The following FCRL5 variants were observed in gnomAD, a reference collection of about 807,000 sequenced individuals.
The protein encoded by FCRL5 is Fc receptor-like protein 5.
A neutral mutation model predicts 92.1 loss-of-function variants in FCRL5; 79 were observed. The observed-to-expected ratio is 0.86, with a 90% confidence interval of 0.72 to 1.03. The LOEUF is 1.03. Ranked by LOEUF, FCRL5 falls within the 50% of genes least tolerant of loss-of-function variation. The pLI is 0.00. For synonymous variants in FCRL5, 466 were observed against 469.3 expected, an observed-to-expected ratio of 0.99 and a Z score of 0.09; for missense variants, 1,160 against 1,181.1, an observed-to-expected ratio of 0.98 and a Z score of 0.26.
At chr1:157,524,101 C>T in intron 10 of FCRL5, 178 bp downstream of exon 10, 1 of 609,750 alleles carries the variant, frequency 1.6e-6, no homozygotes, top group East Asian at 2.8e-5. Context: ...CATCAGATTC[C>T]TGGAACCATA....
Position 157,521,082 on chromosome 1 carries a change from T to A in FCRL5, c.2450A>T (p.Tyr817Phe). The A allele has an allele frequency of 6.2e-7, 1 of 1,613,866 alleles. No individual in the cohort carries two copies. Among genetic ancestry groups the A allele is most frequent in the Non-Finnish European group, 8.5e-7 (1 of 1,179,962 alleles). ...LSLTAEHSGN[Y>F]SCEADNGLGA... ...GAGGCCATTGTCGGCCTCACAGGAG[T>A]AGTTTCCAGAGTGCTCTGCAGTCAG... The change falls in exon 11 of 17, where the codon TAC becomes TTC. Residue 817 changes from tyrosine to phenylalanine, a missense_variant. Tyr to Phe is a conservative substitution (Grantham distance 22, BLOSUM62 3). Coordinates refer to ENST00000361835, the MANE Select transcript of FCRL5 (RefSeq NM_031281.3).
At chr1:157,532,987 G>A (rs760228039) in intron 8 of FCRL5, 1 of 151,874 alleles carries the variant, frequency 6.6e-6, no homozygotes, top group Non-Finnish European at 1.5e-5. Flanking sequence ...TAAAATTTTC[G>A]GTTATTATTC....
chr1:157,521,590 C>CT (rs1347718083), intron 10 of FCRL5: 4 of 240,388 alleles, frequency 1.7e-5, no homozygotes, highest in African/African-American at 4.5e-5. Flanking sequence ...CAATACTATT[C>CT]TTTTTTCTAT....
Position 157,547,016 on chromosome 1 carries a change from C to T in FCRL5, c.234G>A (p.Gln78=). Residue 78 remains glutamine, a synonymous_variant, in exon 3 of 17, where the codon CAG becomes CAA. Coordinates refer to ENST00000361835, the MANE Select transcript of FCRL5 (RefSeq NM_031281.3). ...RETPDNILEV[Q]ESGEYRCQAQ... ...CCTGGCATCTGTACTCTCCAGATTC[C>T]TGAACCTCAAGGATATTGTCTGGGG... 6.2e-7 allele frequency: 1 copy of T among 1,614,162 alleles called. No homozygotes were observed. Among genetic ancestry groups the T allele is most frequent in the Non-Finnish European group, 8.5e-7 (1 of 1,180,014 alleles).
At chr1:157,541,804 A>G (rs1651275524) in intron 6 of FCRL5, 1 of 152,290 alleles carries the variant, frequency 6.6e-6, no homozygotes, top group African/African-American at 2.4e-5. Context: ...TTTAGATGTC[A>G]GTACAGTCTG....
intron 8 of FCRL5, among the ~76,000 whole-genome samples, chr1:157,531,261 G>C (rs12145779): frequency 0.065 from 9,833 of 152,068 alleles, 804 homozygotes; most frequent in African/African-American, 0.19. Flanking sequence ...CAATTAAAAC[G>C]CCAATGAAGT....
chr1:157,531,088 G>T (rs1255221993), intron 8 of FCRL5, among the ~76,000 whole-genome samples: 1 of 152,116 alleles, frequency 6.6e-6, no homozygotes, highest in Non-Finnish European at 1.5e-5. Flanking sequence ...GTCTGACAAG[G>T]TGTTAACATC....
intron 3 of FCRL5, 91 bp from the exon 4 acceptor site, chr1:157,545,173 T>A (rs1651472266): frequency 7.0e-7 from 1 of 1,427,552 alleles, no homozygotes; most frequent in Non-Finnish European, 9.4e-7. Context: ...TTTAAAAAAA[T>A]GGGTTGGGAA....
Position 157,524,442 on chromosome 1 carries a change from C to A in FCRL5, c.2076G>T (p.Trp692Cys), listed in dbSNP as rs1650337524. The A allele has an allele frequency of 6.2e-7, 1 of 1,614,124 alleles. No individual in the cohort carries two copies. Among genetic ancestry groups the A allele is most frequent in the South Asian group, 1.1e-5 (1 of 91,094 alleles). Residue 692 changes from tryptophan (W) to cysteine (C), a missense_variant, in exon 10 of 17, where the codon TGG becomes TGT. Coordinates refer to ENST00000361835, the MANE Select transcript of FCRL5 (RefSeq NM_031281.3). ...CCAGGGTGACATCTTCATGATAAAA[C>A]CAGTACAGGATTGGGGAGGAGCCTC... ...ALRGSSPILY[W>C]FYHEDVTLGK...
rs1405609389 is a variant in FCRL5 at position 157,547,163 on chromosome 1, A to G, written c.87T>C (p.Pro29=). 1.2e-6 allele frequency: 2 copies of G among 1,613,980 alleles called. No homozygotes were observed. Among genetic ancestry groups the G allele is most frequent in the Non-Finnish European group, 1.7e-6 (2 of 1,180,012 alleles). The change falls in exon 3 of 17, where the codon CCT becomes CCC. Residue 29 remains proline (P), a synonymous_variant. Transcript: ENST00000361835. The part of the protein sequence containing the change: ...RTPRPIIFLQ[P]PWTTVFQGER... Reference sequence around the variant, plus strand: ...CTCCTTGGAAGACTGTGGTCCATGGAGGCTGGAGGAAAATAATGGGCCTGG... The same window carrying G: ...CTCCTTGGAAGACTGTGGTCCATGGGGGCTGGAGGAAAATAATGGGCCTGG...
At chr1:157,524,750 G>A (rs747981609) in intron 9 of FCRL5, among the ~76,000 whole-genome samples, 193 bp from the exon 10 acceptor site, 49 of 152,202 alleles carry the variant, frequency 3.2e-4, no homozygotes, top group Admixed American at 4.6e-4. Context: ...TGGAATAGTG[G>A]AATATACAAA....
intron 7 of FCRL5, among the ~76,000 whole-genome samples, chr1:157,536,823 A>C (rs934875354): frequency 1.3e-5 from 2 of 152,214 alleles, no homozygotes; most frequent in Non-Finnish European, 2.9e-5. Context: ...AGAAGAACAT[A>C]AATTTTGAAG....
rs1650903054 is a variant in FCRL5 at position 157,535,023 on chromosome 1, A to T, written c.1403-131T>A. ...TCACCTACCTGGAGGGCAGCCAAGCAACTTCTCAGGTTTCTGTGACCAGCC... is the reference window on the plus strand; with the variant it reads ...TCACCTACCTGGAGGGCAGCCAAGCTACTTCTCAGGTTTCTGTGACCAGCC... On this transcript the variant is annotated intron_variant, in intron 7 of 16. Coordinates refer to ENST00000361835, the MANE Select transcript of FCRL5 (RefSeq NM_031281.3). The T allele has an allele frequency of 2.5e-5, 19 of 750,890 alleles. 1 individual carries two copies. Among genetic ancestry groups the T allele is most frequent in the Non-Finnish European group, 3.6e-5 (18 of 498,034 alleles). 46.5% of individuals were successfully genotyped at this position (750,890 alleles called of 1,614,324 possible).
intron 1 of FCRL5, among the ~76,000 whole-genome samples, chr1:157,551,298 A>G (rs1651799628): frequency 6.6e-6 from 1 of 152,134 alleles, no homozygotes; most frequent in Non-Finnish European, 1.5e-5. Context: ...CATTACCCAC[A>G]TTGTGTGGGG....
intron 1 of FCRL5, among the ~76,000 whole-genome samples, chr1:157,551,021 T>C (rs1467449709): frequency 6.6e-6 from 1 of 152,254 alleles, no homozygotes; most frequent in Non-Finnish European, 1.5e-5. Context: ...TATTCACCAT[T>C]CACCTGAATA....
intron 3 of FCRL5, 27 bp from the exon 4 acceptor site, chr1:157,545,109 G>T: frequency 6.3e-7 from 1 of 1,599,902 alleles, no homozygotes; most frequent in South Asian, 1.1e-5. Context: ...AGAGTTATTT[G>T]GTTCATCCTA....
chr1:157,533,103 C>A (rs1650772856), intron 8 of FCRL5: 2 of 152,068 alleles, frequency 1.3e-5, no homozygotes, highest in Admixed American at 6.5e-5. Context: ...CTGCTTTTTT[C>A]CCCATAATCA....
rs1650097194 is a variant in FCRL5, at chr1:157,519,863, G to A, written c.2633-93C>T. 3.4e-5 allele frequency: 45 copies of A among 1,325,816 alleles called. 2 individuals carry two copies. In the South Asian group the frequency reaches 5.3e-4, roughly 16 times the overall value. 82.1% of individuals were successfully genotyped at this position (1,325,816 alleles called of 1,614,324 possible). A position where few individuals can be genotyped will look rare whatever the true frequency, so the allele number is the denominator to read the frequency against. On this transcript the variant is annotated intron_variant, in intron 12 of 16. Coordinates refer to ENST00000361835, the MANE Select transcript of FCRL5 (RefSeq NM_031281.3). ...AAGGCTCACTTAGAAACTGCCAGGA[G>A]TTGCTGTCACTGAAGGTTGAATCCT... is the stretch of plus-strand genomic sequence containing the variant.
intron 12 of FCRL5, 122 bp from the exon 13 acceptor site, chr1:157,519,892 T>G: frequency 9.9e-7 from 1 of 1,011,848 alleles, no homozygotes; most frequent in Non-Finnish European, 1.5e-6. Flanking sequence ...GAATCCTTCT[T>G]TGTTATGCCC....
Sources: gnomAD v4.1 joint callset for allele counts (sites outside exome capture counted in the v4.1 genomes callset) on GRCh38, gnomAD v4.1.1 for gene constraint, MANE v1.5 for transcripts, NCBI Gene and HGNC (gene_info 2026-07-23, HGNC 2026-07-21) for gene names.